Variants in SNAP91 observed in about 807,000 individuals in gnomAD.
The protein encoded by SNAP91 is clathrin coat assembly protein AP180.
In SNAP91, 27 loss-of-function variants were observed where a neutral mutation model predicts 100.3. The observed-to-expected ratio is 0.27, with a 90% CI of 0.20 to 0.37. SNAP91 has a LOEUF of 0.37. SNAP91 is among the 10% of genes least tolerant of loss of function. The pLI is 1.00. For missense variants in SNAP91, 986 were observed against 1,123.7 expected, an observed-to-expected ratio of 0.88 and a Z score of 1.75; for synonymous variants, 404 against 398.6, an observed-to-expected ratio of 1.01 and a Z score of -0.16.
chr6:83,560,148 T>C lies in SNAP91; in HGVS notation c.2587A>G (p.Met863Val), dbSNP rs375593470. Residue 863 changes from methionine to valine, a missense_variant, in exon 28 of 30, where the codon ATG becomes GTG. Physicochemically the swap from Met to Val is conservative, Grantham distance 21. This residue lies in a region of SNAP91 where 71 missense variants were observed against 68.5 expected (regional missense o/e 1.04). Coordinates refer to ENST00000369694, the MANE Select transcript of SNAP91 (RefSeq NM_001242792.2). Reference protein sequence around the residue: ...PQQPVMFAQPMMRPPFGAAAV... With the variant: ...PQQPVMFAQPVMRPPFGAAAV... The stretch of plus-strand genomic sequence containing the variant: ...GCAGCTCCAAAGGGGGGCCTCATCA[T>C]GGGCTGTGCAAACATGACCGGCTGC... The C allele has an allele frequency of 3.7e-6, 6 of 1,613,938 alleles. No homozygotes were observed. Among genetic ancestry groups the C allele is most frequent in the Non-Finnish European group, 5.1e-6 (6 of 1,179,886 alleles).
chr6:83,689,239 G>A (rs951349825), intron 2 of SNAP91, among the ~76,000 whole-genome samples: 7 of 152,140 alleles, frequency 4.6e-5, no homozygotes, highest in African/African-American at 1.4e-4. Context: ...ATTATGATTC[G>A]TGAACTGTCA....
chr6:83,624,650 G>A (rs1414538608), intron 8 of SNAP91, among the ~76,000 whole-genome samples: 1 of 151,972 alleles, frequency 6.6e-6, no homozygotes, highest in African/African-American at 2.4e-5. Flanking sequence ...ACTGTAGGAT[G>A]TTTAGCAGCA....
Position 83,632,844 on chromosome 6 carries a change from C to T in SNAP91, c.765+8252G>A, listed in dbSNP as rs552424227. Among the ~76,000 whole-genome samples, 19 of 152,284 alleles carry T rather than the reference C, an allele frequency of 1.2e-4. No homozygotes were observed. The South Asian group carries it at 3.3e-3, about 27-fold the overall frequency. ...GGCTTCGCCTTTCTCTGGTGCCTCCCTAATTAGCTTAATAACTAACCTCCT... is the reference window on the plus strand; with the variant it reads ...GGCTTCGCCTTTCTCTGGTGCCTCCTTAATTAGCTTAATAACTAACCTCCT... On this transcript the variant is annotated intron_variant, in intron 8 of 29. Transcript: ENST00000369694.
At chr6:83,674,915 C>T (rs2098839566) in intron 2 of SNAP91, among the ~76,000 whole-genome samples, 3 of 152,080 alleles carry the variant, frequency 2.0e-5, no homozygotes, top group Non-Finnish European at 4.4e-5. Context: ...TCATGCACTT[C>T]CCAGAAGAAG....
intron 26 of SNAP91, among the ~76,000 whole-genome samples, chr6:83,563,204 G>T (rs189378324): frequency 6.6e-6 from 1 of 152,160 alleles, no homozygotes; most frequent in East Asian, 1.9e-4. Flanking sequence ...CCGCTTTTGA[G>T]GCCTGTCAGG....
intron 2 of SNAP91, among the ~76,000 whole-genome samples, chr6:83,677,064 CTG>C (rs1487054392): frequency 1.3e-5 from 2 of 152,168 alleles, no homozygotes; most frequent in Non-Finnish European, 2.9e-5. Flanking sequence ...AAGAAAAACA[CTG>C]TAGGTGAGCC....
intron 22 of SNAP91, among the ~76,000 whole-genome samples, chr6:83,587,296 T>C (rs572805015): frequency 1.3e-5 from 2 of 152,274 alleles, no homozygotes; most frequent in South Asian, 2.1e-4. Context: ...GAGTCCTTAG[T>C]CCAGTGACCA....
At chr6:83,697,426 T>C (rs1393182496) in intron 2 of SNAP91, among the ~76,000 whole-genome samples, 2 of 151,512 alleles carry the variant, frequency 1.3e-5, no homozygotes, top group Non-Finnish European at 2.9e-5. Flanking sequence ...TAACAGTTAA[T>C]GGTATGTACT....
chr6:83,707,703 G>A, intron 2 of SNAP91, 95 bp downstream of exon 2: 1 of 1,491,322 alleles, frequency 6.7e-7, no homozygotes, highest in Non-Finnish European at 9.0e-7. Context: ...AGTATCAGAG[G>A]CCACAGCATT....
intron 20 of SNAP91, 90 bp from the exon 21 acceptor site, chr6:83,592,628 G>T: frequency 9.5e-7 from 1 of 1,047,602 alleles, no homozygotes; most frequent in Non-Finnish European, 1.4e-6. Context: ...GGGATTTCAT[G>T]GTTCACTCCA....
At chr6:83,566,144 G>C (rs1173722611) in intron 26 of SNAP91, among the ~76,000 whole-genome samples, 1 of 152,046 alleles carries the variant, frequency 6.6e-6, no homozygotes, top group African/African-American at 2.4e-5. Context: ...GCTTCGACAT[G>C]GATAAACCTA....
At chr6:83,572,485 C>G (rs996225512) in intron 26 of SNAP91, among the ~76,000 whole-genome samples, 2 of 152,114 alleles carry the variant, frequency 1.3e-5, no homozygotes, top group Non-Finnish European at 2.9e-5. Context: ...CTCCTGACCT[C>G]AAGTGATCCG....
chr6:83,658,334 G>A (rs2098456516), intron 6 of SNAP91, among the ~76,000 whole-genome samples: 1 of 152,138 alleles, frequency 6.6e-6, no homozygotes, highest in African/African-American at 2.4e-5. Flanking sequence ...TCTAGGCCAG[G>A]CGTGGTGGCT....
At chr6:83,673,114 T>C (rs1310439973) in intron 2 of SNAP91, among the ~76,000 whole-genome samples, 20 of 152,148 alleles carry the variant, frequency 1.3e-4, no homozygotes, top group Admixed American at 1.2e-3. Context: ...GACAAGCTTA[T>C]ATATATATGC....
At chr6:83,599,770 T>C (rs1378108531) in intron 16 of SNAP91, among the ~76,000 whole-genome samples, 1 of 152,182 alleles carries the variant, frequency 6.6e-6, no homozygotes, top group South Asian at 2.1e-4. Flanking sequence ...TAACCCTCTA[T>C]AGTGGGTGGC....
At chr6:83,617,336 A>G (rs1200469755) in intron 9 of SNAP91, among the ~76,000 whole-genome samples, 3 of 152,034 alleles carry the variant, frequency 2.0e-5, no homozygotes, top group Non-Finnish European at 4.4e-5. Context: ...AGTAAACTCA[A>G]ATCAAGTTCA....
chr6:83,648,068 T>G (rs1401999242), intron 7 of SNAP91, among the ~76,000 whole-genome samples: 12 of 152,184 alleles, frequency 7.9e-5, no homozygotes, highest in Non-Finnish European at 1.6e-4. Context: ...GTACAGAACA[T>G]TTTTATTACT....
At chr6:83,637,538 C>T (rs1257112930) in intron 8 of SNAP91, among the ~76,000 whole-genome samples, 3 of 152,218 alleles carry the variant, frequency 2.0e-5, no homozygotes, top group East Asian at 1.9e-4. Context: ...TCTGACCCAA[C>T]AGGTCTTCCT....
intron 2 of SNAP91, among the ~76,000 whole-genome samples, chr6:83,694,404 C>T (rs923184487): frequency 1.3e-5 from 2 of 152,182 alleles, no homozygotes; most frequent in Non-Finnish European, 2.9e-5. Context: ...AGGAGCCATC[C>T]ATGGCAGACC....
Sources: gnomAD v4.1 joint callset for allele counts (sites outside exome capture counted in the v4.1 genomes callset) on GRCh38, gnomAD v4.1.1 for gene constraint, gnomAD v4.1.1 regional missense constraint, MANE v1.5 for transcripts, NCBI Gene and HGNC (gene_info 2026-07-23, HGNC 2026-07-21) for gene names.